CC2D2B: variants seen among roughly 807,000 people sequenced by gnomAD.
CC2D2B encodes protein CC2D2B.
CC2D2B carries 128 observed loss-of-function variants against 161.2 expected under a neutral mutation model. The observed-to-expected ratio is 0.79, with a 90% CI of 0.69 to 0.92. CC2D2B has a LOEUF of 0.92. Ranked by LOEUF, CC2D2B falls within the 40% of genes least tolerant of loss-of-function variation. The pLI, the probability that CC2D2B is intolerant of heterozygous loss-of-function variation, is 0.00. For synonymous variants in CC2D2B, 391 were observed against 449.8 expected (o/e 0.87, Z 1.65); for missense variants, 1,173 against 1,375.1 (o/e 0.85, Z 2.32).
chr10:95,920,596 C>A (rs1032271613), intron 2 of CC2D2B: 1 of 152,006 alleles, frequency 6.6e-6, no homozygotes, highest in African/African-American at 2.4e-5. Flanking sequence ...CTCCTCCTTT[C>A]CTCAAGCAGA....
intron 2 of CC2D2B, among the ~76,000 whole-genome samples, chr10:95,916,812 T>C (rs1733300081): frequency 6.6e-6 from 1 of 152,246 alleles, no homozygotes; most frequent in African/African-American, 2.4e-5. Flanking sequence ...GCCTAACATA[T>C]GGTCTATTCT....
In CC2D2B at chr10:96,032,069, T is replaced by C. The variant is rs2080087979; in HGVS notation, c.*61T>C. On this transcript the variant is annotated 3_prime_UTR_variant, in exon 35 of 35. Coordinates refer to ENST00000646931, the MANE Select transcript of CC2D2B (RefSeq NM_001349008.3). ...GTCCTCTAGTACCAACAAAAACTTTTCTGGTACCTTGAGATTTTGCTGTTT... is the reference window on the plus strand; with the variant it reads ...GTCCTCTAGTACCAACAAAAACTTTCCTGGTACCTTGAGATTTTGCTGTTT... 1 of 1,293,794 alleles carries C rather than the reference T, an allele frequency of 7.7e-7. No individual in the cohort carries two copies. Among genetic ancestry groups the C allele is most frequent in the Non-Finnish European group, 1.1e-6 (1 of 934,268 alleles). 80.1% of individuals were successfully genotyped at this position (1,293,794 alleles called of 1,614,324 possible). A position where few individuals can be genotyped will look rare whatever the true frequency, so the allele number is the denominator to read the frequency against.
intron 1 of CC2D2B, among the ~76,000 whole-genome samples, chr10:95,909,434 T>A (rs1228457158): frequency 6.6e-6 from 1 of 152,204 alleles, no homozygotes; most frequent in East Asian, 1.9e-4. Flanking sequence ...TCAAATTAAG[T>A]CTGGAAGGCA....
At chr10:95,927,196 A>G (rs528687557) in intron 5 of CC2D2B, 41 bp from the exon 6 acceptor site, 1 of 1,142,672 alleles carries the variant, frequency 8.8e-7, no homozygotes, top group South Asian at 1.4e-5. Flanking sequence ...TTATAAGCAG[A>G]AAAAGTGTTT....
At chr10:95,915,533 T>C (rs1222865126) in intron 2 of CC2D2B, among the ~76,000 whole-genome samples, 1 of 152,238 alleles carries the variant, frequency 6.6e-6, no homozygotes, top group Non-Finnish European at 1.5e-5. Flanking sequence ...TAACATTAGC[T>C]GTGGGTCTGT....
intron 33 of CC2D2B, among the ~76,000 whole-genome samples, chr10:96,026,463 T>C (rs2079781098): frequency 6.6e-6 from 1 of 152,116 alleles, no homozygotes; most frequent in African/African-American, 2.4e-5. Flanking sequence ...AATTAACTCA[T>C]GTAATAATCC....
chr10:95,966,192 CCT>C lies in CC2D2B; in HGVS notation c.1360_1361del (p.Ser454IlefsTer10), dbSNP rs1330761365. The part of the protein sequence containing the change: ...ELKNGKKLES[L>X]SYLASDETEI... ...TATATTTATTTTTTGATTTCTAGAG[CCT>C]CTCATATCTAGCTTCAGACGAAACA... On this transcript the variant is annotated frameshift_variant, in exon 14 of 35. Coordinates refer to ENST00000646931, the MANE Select transcript of CC2D2B (RefSeq NM_001349008.3). LOFTEE classifies it high-confidence loss of function. The C allele has an allele frequency of 1.7e-6, 2 of 1,169,668 alleles. No individual in the cohort carries two copies. Among genetic ancestry groups the C allele is most frequent in the East Asian group, 6.4e-5 (2 of 31,258 alleles). The allele number at this position is 1,169,668 out of a possible 1,614,324, so 72.5% of individuals were successfully genotyped here.
At chr10:95,965,362 A>G (rs188762651) in intron 12 of CC2D2B, among the ~76,000 whole-genome samples, 7 of 152,224 alleles carry the variant, frequency 4.6e-5, no homozygotes, top group Non-Finnish European at 7.4e-5. Context: ...AGTACTATAT[A>G]AGGATTAGCT....
intron 9 of CC2D2B, among the ~76,000 whole-genome samples, chr10:95,940,669 A>G (rs1286485229): frequency 6.6e-6 from 1 of 152,188 alleles, no homozygotes; most frequent in Non-Finnish European, 1.5e-5. Flanking sequence ...TTTTCTCATT[A>G]TAATTCATTG....
chr10:95,909,120 C>T (rs1369555307), intron 1 of CC2D2B, among the ~76,000 whole-genome samples: 2 of 152,128 alleles, frequency 1.3e-5, no homozygotes, highest in African/African-American at 4.8e-5. Context: ...TCTTTTGTCA[C>T]GCCGTTTGTT....
chr10:95,960,424 A>G (rs2076720864), intron 11 of CC2D2B, among the ~76,000 whole-genome samples: 1 of 152,250 alleles, frequency 6.6e-6, no homozygotes. Context: ...AAGGAAAAGC[A>G]TGAAGAGATA....
chr10:95,968,996 T>C (rs1252203802), intron 15 of CC2D2B, 95 bp downstream of exon 15: 3 of 502,472 alleles, frequency 6.0e-6, no homozygotes, highest in African/African-American at 5.9e-5. Flanking sequence ...AGTAATTTCT[T>C]TGATGTTAAG....
chr10:95,942,659 A>C (rs1252827932), intron 9 of CC2D2B, among the ~76,000 whole-genome samples: 1 of 151,922 alleles, frequency 6.6e-6, no homozygotes. Context: ...TCTGAGTTTA[A>C]TTCTGATTTA....
At position 96,001,315 on chromosome 10, in the gene CC2D2B, A is replaced by T. The variant is rs117528745; in HGVS notation, c.2850-2837A>T. Among the ~76,000 whole-genome samples the T allele has an allele frequency of 2.7e-3, 413 of 152,278 alleles. 2 individuals are homozygous for T. The highest frequency in any genetic ancestry group is 5.0e-3 in the Non-Finnish European group (339 of 68,002). ...AGGTGGGAAAATTTACTTCTTATTC[A>T]TACACATAGAGCAGGATTGTCGTGG... On this transcript the variant is annotated intron_variant, in intron 24 of 34. Transcript: ENST00000646931.
chr10:96,010,025 A>G (rs2078918119), intron 26 of CC2D2B, 102 bp downstream of exon 26: 1 of 693,400 alleles, frequency 1.4e-6, no homozygotes, highest in Non-Finnish European at 2.5e-6. Flanking sequence ...GCAGGCTGGT[A>G]GGTCAGTTAA....
chr10:96,009,622 T>C (rs534572542), intron 25 of CC2D2B, among the ~76,000 whole-genome samples: 4 of 152,330 alleles, frequency 2.6e-5, no homozygotes, highest in African/African-American at 9.6e-5. Flanking sequence ...CCACAACAGA[T>C]AATTTTCTCT....
intron 16 of CC2D2B, among the ~76,000 whole-genome samples, chr10:95,972,648 T>G (rs2077176787): frequency 6.6e-6 from 1 of 152,186 alleles, no homozygotes; most frequent in African/African-American, 2.4e-5. Flanking sequence ...ATTAAATTAT[T>G]CATTCAGATG....
Position 96,027,192 on chromosome 10 carries a change from C to A in CC2D2B, c.3948-20C>A. 1 of 1,470,326 alleles carries A rather than the reference C, an allele frequency of 6.8e-7. No homozygotes were observed. The highest frequency in any genetic ancestry group is 9.1e-7 in the Non-Finnish European group (1 of 1,102,950). The allele number at this position is 1,470,326 out of a possible 1,614,324, so 91.1% of individuals were successfully genotyped here. ...TGAGTTATAACTTGTCATAAAATTA[C>A]CTTTGGATTCTTACCTTAGGATCGA... On this transcript the variant is annotated intron_variant, in intron 33 of 34. Transcript: ENST00000646931.
At chr10:95,937,295 T>C (rs547537138) in intron 6 of CC2D2B, among the ~76,000 whole-genome samples, 2 of 152,290 alleles carry the variant, frequency 1.3e-5, no homozygotes, top group African/African-American at 4.8e-5. Flanking sequence ...TCTCTGTTGT[T>C]CAGTATGTGT....
Sources: allele counts gnomAD v4.1 joint callset (sites outside exome capture counted in the v4.1 genomes callset), GRCh38; gene constraint gnomAD v4.1.1; transcripts MANE v1.5; gene names NCBI Gene and HGNC (gene_info 2026-07-23, HGNC 2026-07-21).